HSD17B12: variants seen among roughly 807,000 people sequenced by gnomAD.
The protein encoded by HSD17B12 is very-long-chain 3-oxoacyl-CoA reductase.
Under a neutral mutation model 39.3 loss-of-function variants are expected in HSD17B12, and 32 were observed. The observed-to-expected ratio is 0.81, with a 90% CI of 0.61 to 1.09. The LOEUF (loss-of-function observed/expected upper bound fraction) is 1.09. Among genes scored for constraint, HSD17B12 ranks in the 50% least tolerant of loss-of-function variants. The pLI is 0.00. For synonymous variants in HSD17B12, 150 were observed against 146.7 expected (o/e 1.02, Z -0.16); for missense variants, 342 against 382.9 (o/e 0.89, Z 0.89).
intron 3 of HSD17B12, among the ~76,000 whole-genome samples, chr11:43,794,111 A>G (rs1202809198): frequency 6.6e-6 from 1 of 152,190 alleles, no homozygotes; most frequent in African/African-American, 2.4e-5. Context: ...GGCCAAGACC[A>G]TCTGATAATT....
intron 1 of HSD17B12, among the ~76,000 whole-genome samples, chr11:43,734,740 G>T (rs1342126313): frequency 1.3e-5 from 2 of 150,984 alleles, no homozygotes; most frequent in Admixed American, 1.3e-4. Flanking sequence ...CCCAAAAAAT[G>T]GGGGGGCAGG....
intron 3 of HSD17B12, among the ~76,000 whole-genome samples, chr11:43,777,327 T>C (rs1242305616): frequency 6.6e-6 from 1 of 152,212 alleles, no homozygotes; most frequent in Non-Finnish European, 1.5e-5. Context: ...TTCACATCCC[T>C]TGTAAGTTGG....
the HSD17B12 span, among the ~76,000 whole-genome samples, chr11:43,654,411 T>C: frequency 1.3e-5 from 2 of 152,146 alleles, no homozygotes; most frequent in African/African-American, 4.8e-5. Context: ...TAGATCTCAT[T>C]TGTCAATTTT....
At chr11:43,784,630 G>T (rs1950799166) in intron 3 of HSD17B12, among the ~76,000 whole-genome samples, 1 of 152,102 alleles carries the variant, frequency 6.6e-6, no homozygotes, top group African/African-American at 2.4e-5. Context: ...ATGAACCAGG[G>T]TGGCAACAAA....
chr11:43,803,576 C>G (rs1950990998), intron 4 of HSD17B12, among the ~76,000 whole-genome samples: 1 of 152,048 alleles, frequency 6.6e-6, no homozygotes, highest in East Asian at 1.9e-4. Flanking sequence ...ACCAAACAGT[C>G]AGTGCTTAAT....
the HSD17B12 span, among the ~76,000 whole-genome samples, chr11:43,668,452 T>G: frequency 6.6e-6 from 1 of 152,214 alleles, no homozygotes; most frequent in Non-Finnish European, 1.5e-5. Context: ...CAAAGGTCCT[T>G]AATTTAATCA....
intron 1 of HSD17B12, among the ~76,000 whole-genome samples, chr11:43,715,972 CT>C (rs1950119139): frequency 6.6e-6 from 1 of 152,040 alleles, no homozygotes; most frequent in African/African-American, 2.4e-5. Flanking sequence ...GTCCTTTGAA[CT>C]TTTATAATCC....
chr11:43,611,499 A>C, the HSD17B12 span, among the ~76,000 whole-genome samples: 1 of 152,204 alleles, frequency 6.6e-6, no homozygotes. Flanking sequence ...TAAAATACAC[A>C]ATTAAGAATT....
chr11:43,587,394 A>AT, the HSD17B12 span, among the ~76,000 whole-genome samples: 21 of 152,112 alleles, frequency 1.4e-4, no homozygotes, highest in African/African-American at 5.1e-4. Context: ...CCAAGTTAAA[A>AT]TTTTTTTCAT....
the HSD17B12 span, among the ~76,000 whole-genome samples, chr11:43,655,256 G>A: frequency 1.3e-5 from 2 of 152,130 alleles, no homozygotes; most frequent in Non-Finnish European, 2.9e-5. Flanking sequence ...CATTGATTTT[G>A]TATCCTGAGA....
intron 4 of HSD17B12, among the ~76,000 whole-genome samples, chr11:43,809,773 G>A (rs190759407): frequency 6.6e-6 from 1 of 152,258 alleles, no homozygotes; most frequent in Admixed American, 6.5e-5. Flanking sequence ...AGCTGAGATC[G>A]AGCCATTGCA....
At chr11:43,696,705 A>T (rs1367661287) in intron 1 of HSD17B12, among the ~76,000 whole-genome samples, 1 of 152,226 alleles carries the variant, frequency 6.6e-6, no homozygotes, top group Non-Finnish European at 1.5e-5. Flanking sequence ...ATAAAGACAC[A>T]TGGACACATA....
chr11:43,670,113 A>G, the HSD17B12 span, among the ~76,000 whole-genome samples: 5 of 152,288 alleles, frequency 3.3e-5, no homozygotes, highest in East Asian at 9.6e-4. Flanking sequence ...CTTTTCAGAG[A>G]TGTTCATAAT....
At chr11:43,705,761 C>CTTTTT (rs56979348) in intron 1 of HSD17B12, among the ~76,000 whole-genome samples, 1 of 62,446 alleles carries the variant, frequency 1.6e-5, no homozygotes, top group African/African-American at 6.9e-5. Context: ...CCTCTCTCCT[C>CTTTTT]TTTTTTTTTT....
At chr11:43,579,850 G>T in the HSD17B12 span, among the ~76,000 whole-genome samples, 1 of 151,984 alleles carries the variant, frequency 6.6e-6, no homozygotes, top group African/African-American at 2.4e-5. Context: ...TTCTCCGGGC[G>T]TGCTGGGCGA....
intron 9 of HSD17B12, among the ~76,000 whole-genome samples, chr11:43,840,902 G>T (rs950862471): frequency 6.6e-6 from 1 of 152,142 alleles, no homozygotes; most frequent in Admixed American, 6.5e-5. Context: ...AAGTGGAATT[G>T]CTGGGTCATA....
chr11:43,775,792 T>C (rs533786832), intron 3 of HSD17B12, among the ~76,000 whole-genome samples: 1 of 134,834 alleles, frequency 7.4e-6, no homozygotes, highest in South Asian at 2.7e-4. Flanking sequence ...CAGAGTGTGA[T>C]GTTCCCCTTC....
At chr11:43,745,706 C>T (rs1355660877) in intron 1 of HSD17B12, among the ~76,000 whole-genome samples, 1 of 151,974 alleles carries the variant, frequency 6.6e-6, no homozygotes, top group Non-Finnish European at 1.5e-5. Flanking sequence ...TATATCCAAA[C>T]ATAGAAAAAG....
chr11:43,581,719 T>G, the HSD17B12 span, among the ~76,000 whole-genome samples: 819 of 151,852 alleles, frequency 5.4e-3, 6 homozygotes, highest in Non-Finnish European at 7.5e-3. The surrounding 1 kb of genome is among the most constrained non-coding windows in gnomAD (Gnocchi z 4.9). Flanking sequence ...GCAGGTGGGG[T>G]GTGTGTGTTT....
Sources: gnomAD v4.1 joint callset for allele counts (sites outside exome capture counted in the v4.1 genomes callset) on GRCh38, gnomAD v4.1.1 for gene constraint, Gnocchi (gnomAD v3.1) non-coding constraint, MANE v1.5 for transcripts, NCBI Gene and HGNC (gene_info 2026-07-23, HGNC 2026-07-21) for gene names.